Variants in C19orf38 observed in about 807,000 individuals in gnomAD.
The protein encoded by C19orf38 is protein HIDE1.
In C19orf38, 14 loss-of-function variants were observed where a neutral mutation model predicts 26.6. That is an observed-to-expected ratio of 0.53 (90% CI 0.35 to 0.82). The LOEUF (loss-of-function observed/expected upper bound fraction) is 0.82, where lower values mean the gene tolerates loss of function less well. C19orf38 is among the 40% of genes least tolerant of loss of function. The pLI, the probability that C19orf38 is intolerant of heterozygous loss-of-function variation, is 0.01. For missense variants in C19orf38, 261 were observed against 299.5 expected (o/e 0.87, Z 0.95); for synonymous variants, 132 against 128.5 (o/e 1.03, Z -0.18).
chr19:10,857,274 G>A (rs1233112930), intron 3 of C19orf38, among the ~76,000 whole-genome samples: 2 of 140,240 alleles, frequency 1.4e-5, no homozygotes, highest in East Asian at 2.1e-4. Flanking sequence ...ATGTGTGTGG[G>A]TATATATGTG....
chr19:10,865,210 G>A (rs1047344303), intron 6 of C19orf38, among the ~76,000 whole-genome samples: 1 of 152,090 alleles, frequency 6.6e-6, no homozygotes, highest in African/African-American at 2.4e-5. Flanking sequence ...GGAGTGCAGT[G>A]GCTTGATCTC....
chr19:10,838,198 C>T (rs1213804226), intron 1 of C19orf38, among the ~76,000 whole-genome samples: 1 of 152,124 alleles, frequency 6.6e-6, no homozygotes, highest in Non-Finnish European at 1.5e-5. Context: ...ATCATGAGGT[C>T]AGGAGATCGA....
chr19:10,861,870 G>A (rs182826062), intron 5 of C19orf38, among the ~76,000 whole-genome samples: 2 of 152,068 alleles, frequency 1.3e-5, no homozygotes, highest in Admixed American at 6.6e-5. Flanking sequence ...TTACAGGCGT[G>A]AGCCACCGCC....
intron 2 of C19orf38, 54 bp from the exon 3 acceptor site, chr19:10,856,211 T>C: frequency 7.0e-7 from 1 of 1,419,120 alleles, no homozygotes; most frequent in East Asian, 2.5e-5. Context: ...TACTCAAAGG[T>C]AACCTGGAGA....
rs570977180 is a variant in C19orf38, at chr19:10,856,943, C to T, written c.433+586C>T. ...TCCCAAGTAGCTGGGACCACAGGTG[C>T]GTGCCACCACATGCAGCTAATTATT... On this transcript the variant is annotated intron_variant, in intron 3 of 6. Coordinates refer to ENST00000397820, the MANE Select transcript of C19orf38 (RefSeq NM_001136482.3). 1.2e-3 allele frequency among the ~76,000 whole-genome samples: 184 copies of T among 151,708 alleles called. 2 individuals are homozygous for T. Among genetic ancestry groups the T allele is most frequent in the African/African-American group, 4.1e-3 (169 of 41,398 alleles).
chr19:10,860,840 CAAA>C (rs60601259), intron 5 of C19orf38, among the ~76,000 whole-genome samples: 2 of 42,658 alleles, frequency 4.7e-5, no homozygotes, highest in African/African-American at 8.1e-5. Context: ...GACTCCATCT[CAAA>C]AAAAAAAAAA....
upstream of C19orf38, among the ~76,000 whole-genome samples, chr19:10,846,255 G>C (rs980140241): frequency 6.6e-6 from 1 of 151,512 alleles, no homozygotes; most frequent in African/African-American, 2.4e-5. Context: ...GGAGTGCAGT[G>C]GCATGATCTC....
intron 1 of C19orf38, among the ~76,000 whole-genome samples, chr19:10,842,485 C>G (rs926806227): frequency 1.3e-5 from 2 of 152,076 alleles, no homozygotes; most frequent in African/African-American, 4.8e-5. Flanking sequence ...TGGTCTTGTT[C>G]TCCTGACCTC....
chr19:10,837,503 CTTTTTTT>C (rs958209460), intron 1 of C19orf38, among the ~76,000 whole-genome samples: 32 of 93,614 alleles, frequency 3.4e-4, no homozygotes, highest in African/African-American at 9.4e-4. Context: ...TTTTTTTTTC[CTTTTTTT>C]TTTTTTTTTT....
intron 2 of C19orf38, 55 bp from the exon 3 acceptor site, chr19:10,856,210 G>A: frequency 1.4e-6 from 2 of 1,412,902 alleles, no homozygotes; most frequent in Non-Finnish European, 9.8e-7. Context: ...CTACTCAAAG[G>A]TAACCTGGAG....
intron 6 of C19orf38, among the ~76,000 whole-genome samples, chr19:10,868,919 T>G (rs1336801860): frequency 6.6e-6 from 1 of 152,214 alleles, no homozygotes; most frequent in Non-Finnish European, 1.5e-5. Flanking sequence ...AAGTGGTGGG[T>G]ACTAGCATTC....
Position 10,869,562 on chromosome 19 carries a change from C to T in C19orf38, c.*195C>T, listed in dbSNP as rs1387804880. 3 of 752,238 alleles carry T rather than the reference C, an allele frequency of 4.0e-6. No homozygotes were observed. Among genetic ancestry groups the T allele is most frequent in the Non-Finnish European group, 4.0e-6 (2 of 499,600 alleles). The allele number at this position is 752,238 out of a possible 1,614,324, so 46.6% of individuals were successfully genotyped here. ...AGGCATGGGCCTGGCACTATACAGACAACAGGAAGTTCCCCTCTCGACCTT... is the reference window on the plus strand; with the variant it reads ...AGGCATGGGCCTGGCACTATACAGATAACAGGAAGTTCCCCTCTCGACCTT... On this transcript the variant is annotated 3_prime_UTR_variant, in exon 7 of 7. Coordinates refer to ENST00000397820, the MANE Select transcript of C19orf38 (RefSeq NM_001136482.3).
chr19:10,865,302 G>A (rs1206828765), intron 6 of C19orf38, among the ~76,000 whole-genome samples: 28 of 151,840 alleles, frequency 1.8e-4, no homozygotes, highest in Non-Finnish European at 3.5e-4. Context: ...GCCTGCCATC[G>A]CGCCCGGCTA....
chr19:10,859,346 GTGTATATATA>G (rs1384896735), intron 4 of C19orf38, among the ~76,000 whole-genome samples: 1 of 44,116 alleles, frequency 2.3e-5, no homozygotes, highest in African/African-American at 1.1e-4. Context: ...GTGTGTGTGT[GTGTATATATA>G]TATATATATA....
intron 1 of C19orf38, among the ~76,000 whole-genome samples, chr19:10,837,787 G>A (rs912395800): frequency 2.0e-5 from 3 of 151,008 alleles, no homozygotes; most frequent in East Asian, 2.0e-4. Flanking sequence ...GATTGTAGGC[G>A]TGAGCCACTG....
At chr19:10,859,823 G>T in intron 4 of C19orf38, 92 bp from the exon 5 acceptor site, 1 of 1,164,436 alleles carries the variant, frequency 8.6e-7, no homozygotes, top group Non-Finnish European at 1.3e-6. Context: ...CTACATTTTG[G>T]GTGTGGTTTG....
intron 1 of C19orf38, among the ~76,000 whole-genome samples, chr19:10,837,567 C>T (rs1291741331): frequency 1.6e-5 from 2 of 127,274 alleles, no homozygotes; most frequent in African/African-American, 6.2e-5. Flanking sequence ...AGTGCAGTGG[C>T]GCGATCTCGA....
Position 10,850,328 on chromosome 19 carries a change from T to C in C19orf38, c.101T>C (p.Ile34Thr), listed in dbSNP as rs1043725354. The C allele has an allele frequency of 1.9e-6, 3 of 1,551,066 alleles. No homozygotes were observed. Among genetic ancestry groups the C allele is most frequent in the Admixed American group, 2.0e-5 (1 of 50,916 alleles). Residue 34 changes from isoleucine to threonine, a missense_variant, in exon 2 of 7, where the codon ATC (isoleucine) becomes ACC (threonine). Physicochemically the swap from Ile to Thr is moderately conservative, Grantham distance 89. Coordinates refer to ENST00000397820, the MANE Select transcript of C19orf38 (RefSeq NM_001136482.3). ...TACCCAAGCAGCCAAGAGGACCCCATCCACATCGCATGCATGGCCCCTGGG... is the reference window on the plus strand; with the variant it reads ...TACCCAAGCAGCCAAGAGGACCCCACCCACATCGCATGCATGGCCCCTGGG... ...PPYPSSQEDP[I>T]HIACMAPGNF...
chr19:10,869,372 G>A lies in C19orf38; in HGVS notation c.*5G>A. 1.9e-6 allele frequency: 3 copies of A among 1,547,002 alleles called. No individual in the cohort carries two copies. Among genetic ancestry groups the A allele is most frequent in the Non-Finnish European group, 2.6e-6 (3 of 1,145,192 alleles). On this transcript the variant is annotated 3_prime_UTR_variant, in exon 7 of 7. Coordinates refer to ENST00000397820, the MANE Select transcript of C19orf38 (RefSeq NM_001136482.3). ...ACTTTCCGGGCCTGCCAGTGAGGCT[G>A]AGGACTGGGGGACCCCTCTGTCTCC...
Sources: gnomAD v4.1 joint callset for allele counts (sites outside exome capture counted in the v4.1 genomes callset) on GRCh38, gnomAD v4.1.1 for gene constraint, MANE v1.5 for transcripts, NCBI Gene and HGNC (gene_info 2026-07-23, HGNC 2026-07-21) for gene names.